The following LDLRAD4 variants were observed in gnomAD, a reference collection of about 807,000 sequenced individuals.
LDLRAD4 encodes low density lipoprotein receptor class A domain containing 4, also known as low-density lipoprotein receptor class A domain-containing protein 4.
LDLRAD4 carries 5 observed loss-of-function variants against 17.0 expected under a neutral mutation model. The ratio of observed to expected loss-of-function variants is 0.29; its 90% CI spans 0.15 to 0.62. The LOEUF (loss-of-function observed/expected upper bound fraction) is 0.62, where lower values mean the gene tolerates loss of function less well. LDLRAD4 is among the 20% of genes least tolerant of loss of function. LDLRAD4 has a pLI of 0.84. For missense variants in LDLRAD4, 340 were observed against 424.7 expected (o/e 0.80, Z 1.75); for synonymous variants, 168 against 171.8 (o/e 0.98, Z 0.17).
chr18:13,555,817 G>A (rs552930716), intron 3 of LDLRAD4, among the ~76,000 whole-genome samples: 3 of 152,262 alleles, frequency 2.0e-5, no homozygotes, highest in African/African-American at 7.2e-5. Flanking sequence ...GAATAATTGG[G>A]ACTTCTTGGA....
chr18:13,369,520 G>A (rs79187020), intron 1 of LDLRAD4, among the ~76,000 whole-genome samples: 10,647 of 152,126 alleles, frequency 0.07, 459 homozygotes, highest in Non-Finnish European at 0.1. Flanking sequence ...GGGGTCTCCA[G>A]TTGGGGTGGA....
chr18:13,317,326 C>T (rs112841354), intron 1 of LDLRAD4, among the ~76,000 whole-genome samples: 4 of 152,264 alleles, frequency 2.6e-5, no homozygotes, highest in East Asian at 1.9e-4. Flanking sequence ...TTCTTTAGCC[C>T]GAAGCCTAAG....
At chr18:13,605,141 T>C (rs1008874088) in intron 3 of LDLRAD4, among the ~76,000 whole-genome samples, 7 of 152,184 alleles carry the variant, frequency 4.6e-5, no homozygotes, top group African/African-American at 1.4e-4. Context: ...TCTTAACATA[T>C]GGTGTCCAGA....
intron 1 of LDLRAD4, among the ~76,000 whole-genome samples, chr18:13,301,299 G>A (rs943892310): frequency 9.2e-5 from 14 of 152,154 alleles, no homozygotes; most frequent in African/African-American, 2.7e-4. Flanking sequence ...TCCAGTCAGC[G>A]CAGAGTAACC....
Position 13,403,214 on chromosome 18 carries a change from A to G in LDLRAD4, c.40+15452A>G, listed in dbSNP as rs566864832. On this transcript the variant is annotated intron_variant, in intron 2 of 5. Transcript: ENST00000359446. ...CACCCCTGAGTAGGAGCATGAGGCA[A>G]TTTTTACTTTCTTACCCTTGTTCAT... 3.9e-5 allele frequency among the ~76,000 whole-genome samples: 6 copies of G among 152,320 alleles called. No homozygotes were observed. In the East Asian group the frequency reaches 7.7e-4, roughly 20 times the overall value.
At chr18:13,388,754 A>G (rs1404103980) in intron 2 of LDLRAD4, among the ~76,000 whole-genome samples, 2 of 152,188 alleles carry the variant, frequency 1.3e-5, no homozygotes, top group Non-Finnish European at 2.9e-5. Context: ...TTCGGCGTGA[A>G]GAGATGGAGC....
intron 3 of LDLRAD4, among the ~76,000 whole-genome samples, chr18:13,608,564 A>G (rs925368972): frequency 6.6e-6 from 1 of 152,144 alleles, no homozygotes; most frequent in Non-Finnish European, 1.5e-5. Flanking sequence ...GCTGGATGAG[A>G]GCTGAAATCT....
intron 2 of LDLRAD4, among the ~76,000 whole-genome samples, chr18:13,405,564 G>A (rs1460562683): frequency 1.3e-5 from 2 of 151,760 alleles, no homozygotes; most frequent in Non-Finnish European, 2.9e-5. Context: ...CCGAGTTGCT[G>A]GGACCACAGG....
chr18:13,540,197 A>T (rs1438156757), intron 3 of LDLRAD4, among the ~76,000 whole-genome samples: 1 of 152,240 alleles, frequency 6.6e-6, no homozygotes, highest in Admixed American at 6.5e-5. Context: ...GTCTTTTTTA[A>T]AAAATACAAG....
chr18:13,543,337 C>G (rs970584817), intron 3 of LDLRAD4: 2 of 152,182 alleles, frequency 1.3e-5, no homozygotes, highest in African/African-American at 4.8e-5. Flanking sequence ...ACGGCATGCA[C>G]CCACACATGC....
intron 1 of LDLRAD4, among the ~76,000 whole-genome samples, chr18:13,371,532 G>A (rs963387842): frequency 1.3e-5 from 2 of 152,174 alleles, no homozygotes; most frequent in Non-Finnish European, 2.9e-5. Context: ...ACTTTGGGAG[G>A]CCGAAGCGGG....
At chr18:13,584,360 T>C (rs2094907001) in intron 3 of LDLRAD4, among the ~76,000 whole-genome samples, 1 of 152,188 alleles carries the variant, frequency 6.6e-6, no homozygotes, top group Admixed American at 6.5e-5. Flanking sequence ...CACTCTCTCT[T>C]CTTCCCACTG....
At chr18:13,383,972 A>G (rs972030245) in intron 1 of LDLRAD4, among the ~76,000 whole-genome samples, 1 of 152,214 alleles carries the variant, frequency 6.6e-6, no homozygotes, top group Non-Finnish European at 1.5e-5. Context: ...CTCAGAGTGT[A>G]TATAGGAATA....
intron 3 of LDLRAD4, among the ~76,000 whole-genome samples, chr18:13,450,001 G>A (rs2091694353): frequency 6.6e-6 from 1 of 152,160 alleles, no homozygotes; most frequent in Admixed American, 6.5e-5. Context: ...TTTTGTGGAA[G>A]GACAGCCAAA....
At chr18:13,239,396 C>G (rs1431305296) in intron 1 of LDLRAD4, 2 of 152,250 alleles carry the variant, frequency 1.3e-5, no homozygotes, top group East Asian at 3.9e-4. Context: ...AACAGACTCC[C>G]TCTCCCTTTT....
upstream of LDLRAD4, among the ~76,000 whole-genome samples, chr18:13,274,119 T>C (rs11080640): frequency 0.45 from 68,576 of 152,136 alleles, 17,826 homozygotes; most frequent in Non-Finnish European, 0.58. Context: ...TCCTCTTGAA[T>C]GAACCTTTCT....
chr18:13,282,413 T>C (rs2045336563), intron 1 of LDLRAD4, among the ~76,000 whole-genome samples: 1 of 152,208 alleles, frequency 6.6e-6, no homozygotes, highest in Admixed American at 6.5e-5. Flanking sequence ...AGTTACTTCC[T>C]AGTTACAATA....
rs557530273 is a variant in LDLRAD4 at position 13,352,500 on chromosome 18, G to A, written c.-382-34841G>A. 1.2e-4 allele frequency among the ~76,000 whole-genome samples: 18 copies of A among 152,138 alleles called. 1 individual carries two copies. In the South Asian group the frequency reaches 3.8e-3, roughly 32 times the overall value. On this transcript the variant is annotated intron_variant, in intron 1 of 5. Coordinates refer to ENST00000359446, the Ensembl canonical transcript of LDLRAD4. ...TACTGGATATCTTTTGTATATGATGGTTCACTTCTCTCAGTACTTAAAAGA... is the reference window on the plus strand; with the variant it reads ...TACTGGATATCTTTTGTATATGATGATTCACTTCTCTCAGTACTTAAAAGA...
chr18:13,593,238 A>G (rs546178011), intron 3 of LDLRAD4, among the ~76,000 whole-genome samples: 40 of 152,340 alleles, frequency 2.6e-4, no homozygotes, highest in South Asian at 1.7e-3. Flanking sequence ...ACTTGAATCC[A>G]GAAGGCAGAG....
Sources: allele counts gnomAD v4.1 joint callset (sites outside exome capture counted in the v4.1 genomes callset), GRCh38; gene constraint gnomAD v4.1.1; transcripts MANE v1.5; gene names NCBI Gene and HGNC (gene_info 2026-07-23, HGNC 2026-07-21).